Variants in SFMBT2 observed in about 807,000 individuals in gnomAD.
The protein encoded by SFMBT2 is Scm like with four mbt domains 2, also known as scm-like with four MBT domains protein 2.
In SFMBT2, 38 loss-of-function variants were observed where a neutral mutation model predicts 110.1. That is an observed-to-expected ratio of 0.35 (90% CI 0.27 to 0.45). The LOEUF is 0.45. Ranked by LOEUF, SFMBT2 falls within the 20% of genes least tolerant of loss-of-function variation. The pLI, the probability that SFMBT2 is intolerant of heterozygous loss-of-function variation, is 1.00. For missense variants in SFMBT2, 1,011 were observed against 1,094.9 expected, an observed-to-expected ratio of 0.92 and a Z score of 1.08; for synonymous variants, 425 against 425.4, an observed-to-expected ratio of 1.00 and a Z score of 0.01.
chr10:7,220,430 T>C lies in SFMBT2; in HGVS notation c.1311A>G (p.Leu437=). ...ACGTACCTTCCAGGTGAAGCCACAT[T>C]AGCCGCCCCTTCACACTCACAACGG... ...VASVVSVKGR[L]MWLHLEGLQT... is the part of the protein sequence containing the mutation. Residue 437 remains leucine (L), a synonymous_variant, in exon 11 of 21, where the codon CTA becomes CTG. Transcript: ENST00000397167. 1.2e-6 allele frequency: 2 copies of C among 1,613,984 alleles called. No individual in the cohort carries two copies. Among genetic ancestry groups the C allele is most frequent in the Non-Finnish European group, 8.5e-7 (1 of 1,179,866 alleles).
rs115165667 is a variant in SFMBT2, at chr10:7,365,487, G to A, written c.436+2162C>T. Among the ~76,000 whole-genome samples the A allele has an allele frequency of 6.1e-3, 929 of 152,314 alleles. 11 individuals carry two copies. The highest frequency in any genetic ancestry group is 0.021 in the African/African-American group (865 of 41,554). Reference sequence around the variant, plus strand: ...CGTGCTAGAGCTGGTGTACACAGACGAGTGGGTTCACACCATGCAGCTTAC... The same window carrying A: ...CGTGCTAGAGCTGGTGTACACAGACAAGTGGGTTCACACCATGCAGCTTAC... On this transcript the variant is annotated intron_variant, in intron 4 of 20. Coordinates refer to ENST00000397167, the MANE Select transcript of SFMBT2 (RefSeq NM_001387889.1).
At chr10:7,202,956 T>C in intron 12 of SFMBT2, 1 of 985,444 alleles carries the variant, frequency 1.0e-6, no homozygotes, top group Non-Finnish European at 1.2e-6. Flanking sequence ...GCATTTCAAC[T>C]AAAACATGTT....
chr10:7,400,670 T>C (rs1038636454), intron 1 of SFMBT2, among the ~76,000 whole-genome samples: 2 of 152,176 alleles, frequency 1.3e-5, no homozygotes, highest in Non-Finnish European at 2.9e-5. Flanking sequence ...GGCAGCTGCA[T>C]TTGGCCGAAC....
At chr10:7,335,582 A>AC (rs1843695895) in intron 4 of SFMBT2, among the ~76,000 whole-genome samples, 1 of 142,884 alleles carries the variant, frequency 7.0e-6, no homozygotes, top group African/African-American at 2.6e-5. Context: ...CAGAAACAGA[A>AC]ACACACACAC....
chr10:7,200,506 C>A, intron 13 of SFMBT2, 22 bp from the exon 14 acceptor site: 1 of 1,580,026 alleles, frequency 6.3e-7, no homozygotes, highest in Non-Finnish European at 8.6e-7. Context: ...GAAAATAAAA[C>A]TATCAGGGAC....
intron 12 of SFMBT2, chr10:7,205,086 AT>A: frequency 3.2e-6 from 1 of 317,118 alleles, no homozygotes; most frequent in Non-Finnish European, 4.6e-6. Context: ...TATTTTATTT[AT>A]TTTTTGAGAC....
At chr10:7,285,768 G>A (rs188544474) in intron 5 of SFMBT2, 98 bp downstream of exon 5, 3 of 731,960 alleles carry the variant, frequency 4.1e-6, no homozygotes, top group Middle Eastern at 2.6e-4. Context: ...CAGAAAGCAC[G>A]CATCTGCTGA....
intron 4 of SFMBT2, among the ~76,000 whole-genome samples, chr10:7,334,063 C>T (rs573151643): frequency 7.0e-4 from 107 of 152,312 alleles, no homozygotes; most frequent in African/African-American, 2.5e-3. Flanking sequence ...GGATGTGCTA[C>T]GCGACGGCTC....
intron 1 of SFMBT2, among the ~76,000 whole-genome samples, chr10:7,388,457 A>C (rs1845678519): frequency 6.6e-6 from 1 of 151,564 alleles, no homozygotes; most frequent in African/African-American, 2.4e-5. Context: ...TCCCAGGTTC[A>C]AGCAATTCTC....
intron 1 of SFMBT2, among the ~76,000 whole-genome samples, chr10:7,400,223 C>A (rs568101859): frequency 1.3e-5 from 2 of 152,116 alleles, no homozygotes; most frequent in Non-Finnish European, 2.9e-5. Context: ...AAGTTCACAG[C>A]GGTAGAGGGA....
chr10:7,387,160 T>A (rs1845631350), intron 1 of SFMBT2, among the ~76,000 whole-genome samples: 1 of 152,208 alleles, frequency 6.6e-6, no homozygotes, highest in South Asian at 2.1e-4. Context: ...CACAGTGTCA[T>A]CTGTGAGCAC....
chr10:7,285,040 A>G (rs1189776642), intron 5 of SFMBT2: 10 of 152,258 alleles, frequency 6.6e-5, no homozygotes, highest in African/African-American at 1.2e-4. Flanking sequence ...TAAAATGTCA[A>G]TATCATTTAT....
chr10:7,345,540 G>C (rs755662031), intron 4 of SFMBT2, among the ~76,000 whole-genome samples: 3 of 152,092 alleles, frequency 2.0e-5, no homozygotes, highest in Admixed American at 1.3e-4. Flanking sequence ...TGTATTTTTA[G>C]TAAAGACGGG....
chr10:7,303,386 A>G (rs1398594885), intron 4 of SFMBT2, among the ~76,000 whole-genome samples: 1 of 152,268 alleles, frequency 6.6e-6, no homozygotes, highest in African/African-American at 2.4e-5. Flanking sequence ...CAATTTATGT[A>G]GAGCAAACAA....
intron 2 of SFMBT2, among the ~76,000 whole-genome samples, chr10:7,375,763 ACACACAC>A (rs1845187012): frequency 7.0e-6 from 1 of 143,152 alleles, no homozygotes; most frequent in Admixed American, 6.9e-5. Context: ...ACACACACAC[ACACACAC>A]ACACACACAC....
At chr10:7,336,058 T>C (rs1333588866) in intron 4 of SFMBT2, among the ~76,000 whole-genome samples, 1 of 152,252 alleles carries the variant, frequency 6.6e-6, no homozygotes, top group South Asian at 2.1e-4. Context: ...ACTGAAGTAC[T>C]TAATATTTCC....
At chr10:7,213,963 G>C (rs375470099) in intron 11 of SFMBT2, among the ~76,000 whole-genome samples, 1 of 152,174 alleles carries the variant, frequency 6.6e-6, no homozygotes, top group Admixed American at 6.5e-5. Context: ...GCAGGGCAAA[G>C]AAGAGGCCAA....
rs1041675579 is a variant in SFMBT2, at chr10:7,172,332, C to A, written c.2151+163G>T. On this transcript the variant is annotated intron_variant, in intron 18 of 20. Transcript: ENST00000397167. This position sits in a 1 kb window ranked among gnomAD's most constrained non-coding sequence, Gnocchi z 4.6. ...TTCCCAGCCAAAGCAGCTGGACACA[C>A]TACATTTGTTTTCAGCAAGTAAGGA... 1.2e-4 allele frequency: 123 copies of A among 985,268 alleles called. No individual in the cohort carries two copies. Among genetic ancestry groups the A allele is most frequent in the Non-Finnish European group, 1.2e-4 (100 of 829,852 alleles). 61.0% of individuals were successfully genotyped at this position (985,268 alleles called of 1,614,324 possible). A position where few individuals can be genotyped will look rare whatever the true frequency, so the allele number is the denominator to read the frequency against.
At chr10:7,273,126 G>A (rs967984397) in intron 7 of SFMBT2, among the ~76,000 whole-genome samples, 13 of 152,178 alleles carry the variant, frequency 8.5e-5, no homozygotes, top group Non-Finnish European at 1.3e-4. Flanking sequence ...ACAAATGATA[G>A]CTCACCTAAA....
Sources: allele counts gnomAD v4.1 joint callset (sites outside exome capture counted in the v4.1 genomes callset), GRCh38; gene constraint gnomAD v4.1.1; non-coding constraint Gnocchi (gnomAD v3.1); transcripts MANE v1.5; gene names NCBI Gene and HGNC (gene_info 2026-07-23, HGNC 2026-07-21).